Variants in PDE11A observed in about 807,000 individuals in gnomAD.
PDE11A encodes phosphodiesterase 11A, also known as dual 3',5'-cyclic-AMP and -GMP phosphodiesterase 11A.
PDE11A carries 100 observed loss-of-function variants against 100.5 expected under a neutral mutation model. That is an observed-to-expected ratio of 1.00 (90% CI 0.85 to 1.18). PDE11A has a LOEUF of 1.18. PDE11A is among the 50% of genes most tolerant of loss of function. The probability of loss-of-function intolerance (pLI) is 0.00; values close to 1 mark genes in which losing one functional copy is unlikely to be tolerated. For missense variants in PDE11A, 1,141 were observed against 1,152.6 expected (o/e 0.99, Z 0.15); for synonymous variants, 381 against 420.8 (o/e 0.91, Z 1.16).
intron 9 of PDE11A, among the ~76,000 whole-genome samples, chr2:177,812,982 T>TG (rs1321250469): frequency 1.3e-5 from 1 of 79,726 alleles, no homozygotes; most frequent in Non-Finnish European, 2.5e-5. Context: ...ATCCCACAAA[T>TG]TTGGAGTGGA....
intron 10 of PDE11A, among the ~76,000 whole-genome samples, chr2:177,757,722 T>C (rs978807923): frequency 6.6e-6 from 1 of 152,116 alleles, no homozygotes; most frequent in Admixed American, 6.5e-5. Context: ...CTGTGGATGC[T>C]GCTCTGGGAA....
intron 9 of PDE11A, among the ~76,000 whole-genome samples, chr2:177,791,671 A>G (rs976461247): frequency 4.6e-5 from 7 of 152,260 alleles, no homozygotes; most frequent in Admixed American, 2.6e-4. Flanking sequence ...TGTGTTTGAT[A>G]GATATGATCT....
intron 4 of PDE11A, among the ~76,000 whole-genome samples, chr2:177,880,825 A>G (rs2084319603): frequency 6.6e-6 from 1 of 152,228 alleles, no homozygotes; most frequent in African/African-American, 2.4e-5. Flanking sequence ...AATATTGATT[A>G]TCCAGTGTGT....
At chr2:177,984,460 G>C (rs2085918475) in intron 2 of PDE11A, among the ~76,000 whole-genome samples, 1 of 152,066 alleles carries the variant, frequency 6.6e-6, no homozygotes, top group Non-Finnish European at 1.5e-5. Context: ...TGCCTCCTTG[G>C]AGCATTTTCA....
At chr2:177,956,472 C>G (rs1212114866) in intron 2 of PDE11A, among the ~76,000 whole-genome samples, 2 of 152,216 alleles carry the variant, frequency 1.3e-5, no homozygotes, top group South Asian at 2.1e-4. Flanking sequence ...GGACTGTAAA[C>G]TAGTTCAACC....
intron 19 of PDE11A, among the ~76,000 whole-genome samples, chr2:177,640,644 A>G (rs1247751708): frequency 6.6e-6 from 1 of 152,226 alleles, no homozygotes; most frequent in Non-Finnish European, 1.5e-5. Flanking sequence ...TCATGATTTA[A>G]TCTGAGATAC....
chr2:177,686,746 G>A (rs187027998), intron 15 of PDE11A: 2 of 50,458 alleles, frequency 4.0e-5, no homozygotes, highest in South Asian at 6.5e-4. Context: ...TTTCATTCTT[G>A]TTGCCCAGGC....
chr2:177,767,418 C>T (rs2082254149), intron 10 of PDE11A, among the ~76,000 whole-genome samples: 1 of 152,070 alleles, frequency 6.6e-6, no homozygotes, highest in African/African-American at 2.4e-5. Context: ...TGAGTCAAAG[C>T]TCATATTATC....
chr2:177,795,740 A>G lies in PDE11A; in HGVS notation c.1737+21089T>C, dbSNP rs2082696566. Among the ~76,000 whole-genome samples, 3 of 151,598 alleles carry G rather than the reference A, an allele frequency of 2.0e-5. No homozygotes were observed. The East Asian group carries it at 5.8e-4, about 29-fold the overall frequency. ...TGTTACACGCAAAGAATGTATATAG[A>G]TCAAATTAGGGAAACTGGGCTATCC... On this transcript the variant is annotated intron_variant, in intron 9 of 19. Coordinates refer to ENST00000286063, the MANE Select transcript of PDE11A (RefSeq NM_016953.4).
At chr2:177,701,309 C>A in intron 13 of PDE11A, 98 bp from the exon 14 acceptor site, 1 of 733,202 alleles carries the variant, frequency 1.4e-6, no homozygotes. Flanking sequence ...GGCAAAGGAC[C>A]ATGAGCAGAC....
At chr2:177,910,370 C>CT (rs1395759781) in intron 2 of PDE11A, among the ~76,000 whole-genome samples, 1 of 151,676 alleles carries the variant, frequency 6.6e-6, no homozygotes, top group African/African-American at 2.4e-5. Context: ...ATATTTTAAT[C>CT]TTTTTTTTCA....
intron 12 of PDE11A, among the ~76,000 whole-genome samples, chr2:177,718,964 C>T (rs2081484640): frequency 6.6e-6 from 1 of 152,196 alleles, no homozygotes; most frequent in Non-Finnish European, 1.5e-5. Context: ...AAGACAGCCG[C>T]CCCTTGCTGC....
chr2:177,845,323 C>T (rs191549520), intron 5 of PDE11A, among the ~76,000 whole-genome samples: 10,954 of 145,428 alleles, frequency 0.075, 487 homozygotes, highest in Middle Eastern at 0.11. Flanking sequence ...ACGGGGCGGC[C>T]GGGCAGAGTC....
intron 5 of PDE11A, among the ~76,000 whole-genome samples, chr2:177,871,228 TG>T (rs1048999196): frequency 2.6e-5 from 4 of 151,996 alleles, no homozygotes; most frequent in African/African-American, 9.7e-5. Context: ...CTGTAAAAAA[TG>T]GGGTACACTC....
chr2:177,847,897 G>A (rs2083628837), intron 5 of PDE11A, among the ~76,000 whole-genome samples: 2 of 152,112 alleles, frequency 1.3e-5, no homozygotes, highest in Non-Finnish European at 2.9e-5. Flanking sequence ...CACATTAGAC[G>A]AGTACTCATG....
At position 177,629,460 on chromosome 2, in the gene PDE11A, T is replaced by C. The variant is rs199934450; in HGVS notation, c.2749A>G (p.Thr917Ala). ...ACACTGGCAGGGGAGGATGAGGCAG[T>C]TGAGGCCAGCAGTCGTTTTTGGTGT... Reference protein sequence around the residue: ...ELHQKRLLASTASSSPASVMV... With the variant: ...ELHQKRLLASAASSSPASVMV... Residue 917 changes from threonine (T) to alanine (A), a missense_variant, in exon 20 of 20, where the codon ACT (threonine) becomes GCT (alanine). Thr to Ala is a moderately conservative substitution (Grantham distance 58). Coordinates refer to ENST00000286063, the MANE Select transcript of PDE11A (RefSeq NM_016953.4). 7 of 1,613,758 alleles carry C rather than the reference T, an allele frequency of 4.3e-6. No homozygotes were observed. The East Asian group carries it at 1.6e-4, about 36-fold the overall frequency.
intron 1 of PDE11A, among the ~76,000 whole-genome samples, chr2:178,042,647 T>C (rs1486105937): frequency 7.2e-5 from 11 of 152,160 alleles, no homozygotes. Flanking sequence ...AATGTGTAGC[T>C]AATCTATTTT....
Position 177,669,537 on chromosome 2 carries a change from C to T in PDE11A, c.2518G>A (p.Glu840Lys), listed in dbSNP as rs79903863. The T allele has an allele frequency of 3.0e-5, 45 of 1,478,792 alleles. No individual in the cohort carries two copies. The highest frequency in any genetic ancestry group is 2.2e-4 in the Admixed American group (13 of 59,858). 91.6% of individuals were successfully genotyped at this position (1,478,792 alleles called of 1,614,324 possible). The change falls in exon 18 of 20, where the codon GAA becomes AAA. Residue 840 changes from glutamate to lysine, a missense_variant. Transcript: ENST00000286063. Reference protein sequence around the residue: ...VAELVTSEFFEQGDRERLELK... With the variant: ...VAELVTSEFFKQGDRERLELK... ...TCTAATCTCTCCCGATCTCCTTGTT[C>T]GAAGAACTCACTGGTTACAAGTTCT... is the stretch of plus-strand genomic sequence containing the variant.
intron 10 of PDE11A, among the ~76,000 whole-genome samples, chr2:177,736,316 A>G (rs1332301686): frequency 6.6e-6 from 1 of 152,100 alleles, no homozygotes; most frequent in Non-Finnish European, 1.5e-5. Context: ...GTTCGAGACC[A>G]GCCTGGACAA....
Sources: gnomAD v4.1 joint callset for allele counts (sites outside exome capture counted in the v4.1 genomes callset) on GRCh38, gnomAD v4.1.1 for gene constraint, MANE v1.5 for transcripts, NCBI Gene and HGNC (gene_info 2026-07-23, HGNC 2026-07-21) for gene names.